The following FAM78A variants were observed in gnomAD, a reference collection of about 807,000 sequenced individuals.
FAM78A encodes protein FAM78A.
In FAM78A, 12 loss-of-function variants were observed where a neutral mutation model predicts 22.6. That is an observed-to-expected ratio of 0.53 (90% confidence interval 0.34 to 0.86). The LOEUF (loss-of-function observed/expected upper bound fraction) is 0.86, where lower values mean the gene tolerates loss of function less well. Among genes scored for constraint, FAM78A ranks in the 40% least tolerant of loss-of-function variants. The pLI is 0.02. For synonymous variants in FAM78A, 151 were observed against 155.8 expected, an observed-to-expected ratio of 0.97 and a Z score of 0.23; for missense variants, 322 against 396.1, an observed-to-expected ratio of 0.81 and a Z score of 1.59.
chr9:131,267,436 G>T (rs1245930697), intron 1 of FAM78A, among the ~76,000 whole-genome samples: 1 of 152,162 alleles, frequency 6.6e-6, no homozygotes, highest in Non-Finnish European at 1.5e-5. Flanking sequence ...AGAAGCTAAG[G>T]TGGGAGGATT....
rs564110929 is a variant in FAM78A at position 131,264,428 on chromosome 9, G to A, written c.324-3078C>T. 4.4e-5 allele frequency: 26 copies of A among 596,078 alleles called. No individual in the cohort carries two copies. In the African/African-American group the frequency reaches 4.4e-4, roughly 10 times the overall value. The allele number at this position is 596,078 out of a possible 1,614,324, so 36.9% of individuals were successfully genotyped here. ...ATCCCTCCACCTGGGGGTTGCAGCG[G>A]GTGCAGCAGCCCAGGGTCCACTGTC... On this transcript the variant is annotated intron_variant, in intron 1 of 1. Coordinates refer to ENST00000372271, the MANE Select transcript of FAM78A (RefSeq NM_033387.4).
Position 131,276,160 on chromosome 9 carries a change from T to A in FAM78A, c.20A>T (p.Asp7Val). The change falls in exon 1 of 2, where the codon GAC becomes GTC. Residue 7 changes from aspartate (D) to valine (V), a missense_variant. Physicochemically the swap from Asp to Val is radical, Grantham distance 152 (BLOSUM62 -3). Transcript: ENST00000372271. The surrounding 1 kb of genome is among the most constrained non-coding windows in gnomAD (Gnocchi z 4.3). MPGFFC[D>V]CWPSLEIRAL... is the part of the protein sequence containing the mutation. ...TCTGATCTCCAGGGAAGGCCAGCAG[T>A]CACAGAAAAAACCAGGCATTGAAAG... 1 of 1,611,758 alleles carries A rather than the reference T, an allele frequency of 6.2e-7. No homozygotes were observed. Among genetic ancestry groups the A allele is most frequent in the South Asian group, 1.1e-5 (1 of 90,930 alleles).
intron 1 of FAM78A, among the ~76,000 whole-genome samples, chr9:131,273,182 C>G (rs980557154): frequency 6.6e-6 from 1 of 152,188 alleles, no homozygotes; most frequent in African/African-American, 2.4e-5. Flanking sequence ...GGACGGTCAC[C>G]CATACTGGCC....
Position 131,275,724 on chromosome 9 carries a change from G to C in FAM78A, c.323+133C>G. ...GGCCAATGAGGCCACCTGCATACCT[G>C]CCTAAAGCTTCCCTCTGGCCTCCGT... On this transcript the variant is annotated intron_variant, in intron 1 of 1. Transcript: ENST00000372271. The surrounding 1 kb of genome is among the most constrained non-coding windows in gnomAD (Gnocchi z 4.6). 1 of 988,394 alleles carries C rather than the reference G, an allele frequency of 1.0e-6. No homozygotes were observed. 61.2% of individuals were successfully genotyped at this position (988,394 alleles called of 1,614,324 possible). A position where few individuals can be genotyped will look rare whatever the true frequency, so the allele number is the denominator to read the frequency against.
At position 131,260,696 on chromosome 9, in the gene FAM78A, A is replaced by G; in HGVS notation, c.*126T>C. Reference sequence around the variant, plus strand: ...GAGGCCTTCCCGGGGGCATCAGCACAGTGAGATCCGCCCGCTGGAGAGGGT... The same window carrying G: ...GAGGCCTTCCCGGGGGCATCAGCACGGTGAGATCCGCCCGCTGGAGAGGGT... On this transcript the variant is annotated 3_prime_UTR_variant, in exon 2 of 2. Transcript: ENST00000372271. The surrounding 1 kb of genome is among the most constrained non-coding windows in gnomAD (Gnocchi z 5.4). The G allele has an allele frequency of 8.0e-7, 1 of 1,249,214 alleles. No individual in the cohort carries two copies. The highest frequency in any genetic ancestry group is 1.1e-6 in the Non-Finnish European group (1 of 925,280). The allele number at this position is 1,249,214 out of a possible 1,614,324, so 77.4% of individuals were successfully genotyped here. A position where few individuals can be genotyped will look rare whatever the true frequency, so the allele number is the denominator to read the frequency against.
rs1260306920 is a variant in FAM78A at position 131,275,982 on chromosome 9, T to C, written c.198A>G (p.Thr66=). 3 of 1,613,502 alleles carry C rather than the reference T, an allele frequency of 1.9e-6. No homozygotes were observed. The South Asian group carries it at 3.3e-5, about 18-fold the overall frequency. Residue 66 remains threonine (T), a synonymous_variant, in exon 1 of 2, where the codon ACA becomes ACG. Transcript: ENST00000372271. This position sits in a 1 kb window ranked among gnomAD's most constrained non-coding sequence, Gnocchi z 4.6. ...ESSSVVLRYR[T]PHFRASAQVV... The stretch of plus-strand genomic sequence containing the variant: ...CCTGGGCCGAGGCCCGGAAGTGGGG[T>C]GTCCGGTAGCGGAGCACCACGCTGG...
Position 131,275,929 on chromosome 9 carries a change from T to A in FAM78A, c.251A>T (p.Glu84Val). 1 of 1,613,270 alleles carries A rather than the reference T, an allele frequency of 6.2e-7. No homozygotes were observed. Among genetic ancestry groups the A allele is most frequent in the Non-Finnish European group, 8.5e-7 (1 of 1,179,910 alleles). The change falls in exon 1 of 2, where the codon GAG (glutamate) becomes GTG (valine). Residue 84 changes from glutamate to valine, a missense_variant. Glu to Val is a moderately radical substitution (Grantham distance 121). Transcript: ENST00000372271. This position sits in a 1 kb window ranked among gnomAD's most constrained non-coding sequence, Gnocchi z 4.6. ...QVVMPPIPKKETWVVGWIQAC... is the reference protein window; with the variant it reads ...QVVMPPIPKKVTWVVGWIQAC... ...CTGGATCCAGCCAACTACCCAAGTC[T>A]CCTTCTTGGGGATGGGCGGCATGAC...
rs1015291389 is a variant in FAM78A at position 131,261,800 on chromosome 9, C to T, written c.324-450G>A. On this transcript the variant is annotated intron_variant, in intron 1 of 1. Coordinates refer to ENST00000372271, the MANE Select transcript of FAM78A (RefSeq NM_033387.4). The surrounding 1 kb of genome is among the most constrained non-coding windows in gnomAD (Gnocchi z 7.1). ...ATTTTCCTAAGGACATTTGGCCAAG[C>T]GGTGGGGCCTGGGACCCCGGCGCAT... Among the ~76,000 whole-genome samples, 4 of 152,128 alleles carry T rather than the reference C, an allele frequency of 2.6e-5. No individual in the cohort carries two copies. Among genetic ancestry groups the T allele is most frequent in the South Asian group, 2.1e-4 (1 of 4,826 alleles).
At chr9:131,278,540 C>T (rs1195220526), upstream of FAM78A, among the ~76,000 whole-genome samples, 1 of 152,160 alleles carries the variant, frequency 6.6e-6, no homozygotes, top group Non-Finnish European at 1.5e-5. Context: ...TACAGAGCAT[C>T]ATTTCAGCCA....
upstream of FAM78A, among the ~76,000 whole-genome samples, chr9:131,278,635 A>G (rs889111863): frequency 6.6e-6 from 1 of 152,182 alleles, no homozygotes; most frequent in Non-Finnish European, 1.5e-5. Context: ...GGATTTGCCC[A>G]AGGTCCTTCC....
At chr9:131,279,789 ACCTTAG>A (rs1273273338), upstream of FAM78A, among the ~76,000 whole-genome samples, 1 of 152,058 alleles carries the variant, frequency 6.6e-6, no homozygotes, top group Admixed American at 6.5e-5. Flanking sequence ...TCTATCCTTG[ACCTTAG>A]CCCTAGGCAG....
chr9:131,269,553 G>A (rs1835391726), intron 1 of FAM78A, among the ~76,000 whole-genome samples: 1 of 151,640 alleles, frequency 6.6e-6, no homozygotes, highest in Non-Finnish European at 1.5e-5. Flanking sequence ...CTCGGCTCAC[G>A]GTAACCTCCA....
upstream of FAM78A, among the ~76,000 whole-genome samples, chr9:131,278,162 C>G (rs1275359747): frequency 6.6e-6 from 1 of 151,988 alleles, no homozygotes; most frequent in Non-Finnish European, 1.5e-5. Flanking sequence ...CCCCTCGCTC[C>G]CTGTCTCTGC....
rs550009745 is a variant in FAM78A, at chr9:131,269,934, C to T, written c.323+5923G>A. Among the ~76,000 whole-genome samples the T allele has an allele frequency of 2.6e-5, 4 of 151,574 alleles. No homozygotes were observed. In the East Asian group the frequency reaches 5.8e-4, roughly 22 times the overall value. ...TACAGGCCGGGCACAGTGGCTCACA[C>T]CTGTAATCCCAGGACTTTGGGAGGC... is the stretch of plus-strand genomic sequence containing the variant. On this transcript the variant is annotated intron_variant, in intron 1 of 1. Transcript: ENST00000372271.
chr9:131,260,731 G>T lies in FAM78A; in HGVS notation c.*91C>A. On this transcript the variant is annotated 3_prime_UTR_variant, in exon 2 of 2. Transcript: ENST00000372271. The surrounding 1 kb of genome is among the most constrained non-coding windows in gnomAD (Gnocchi z 5.4). ...GCCCGCTGGAGAGGGTAGAATGGTT[G>T]TATCTTGCTGAATGACTGAAGAGTG... 1 of 1,449,770 alleles carries T rather than the reference G, an allele frequency of 6.9e-7. No individual in the cohort carries two copies. Among genetic ancestry groups the T allele is most frequent in the South Asian group, 1.4e-5 (1 of 72,236 alleles). 89.8% of individuals were successfully genotyped at this position (1,449,770 alleles called of 1,614,324 possible). A position where few individuals can be genotyped will look rare whatever the true frequency, so the allele number is the denominator to read the frequency against.
At chr9:131,273,881 A>C (rs1835448639) in intron 1 of FAM78A, among the ~76,000 whole-genome samples, 1 of 152,214 alleles carries the variant, frequency 6.6e-6, no homozygotes. Flanking sequence ...AGATGTGTAA[A>C]CTGAGGGTCA....
chr9:131,263,637 C>A (rs1835303368), intron 1 of FAM78A: 3 of 166,320 alleles, frequency 1.8e-5, no homozygotes, highest in Non-Finnish European at 1.3e-5. Context: ...ATAAAATGGT[C>A]AATTTTATAA....
Position 131,265,752 on chromosome 9 carries a change from G to A in FAM78A, c.324-4402C>T, listed in dbSNP as rs1331612870. On this transcript the variant is annotated intron_variant, in intron 1 of 1. Transcript: ENST00000372271. This position sits in a 1 kb window ranked among gnomAD's most constrained non-coding sequence, Gnocchi z 4.3. ...TGAACCACGCTCAGGGCCCTTCTGA[G>A]TGCAGGCCCCGGACAGCTGTCCAGT... Among the ~76,000 whole-genome samples the A allele has an allele frequency of 1.3e-5, 2 of 152,162 alleles. No individual in the cohort carries two copies. Among genetic ancestry groups the A allele is most frequent in the Non-Finnish European group, 2.9e-5 (2 of 68,030 alleles).
chr9:131,278,519 G>A (rs549354727), upstream of FAM78A, among the ~76,000 whole-genome samples: 9 of 152,316 alleles, frequency 5.9e-5, no homozygotes, highest in East Asian at 1.5e-3. Context: ...CCGGCTGTGT[G>A]ATGAGCGCTG....
Sources: gnomAD v4.1 joint callset for allele counts (sites outside exome capture counted in the v4.1 genomes callset) on GRCh38, gnomAD v4.1.1 for gene constraint, Gnocchi (gnomAD v3.1) non-coding constraint, MANE v1.5 for transcripts, NCBI Gene and HGNC (gene_info 2026-07-23, HGNC 2026-07-21) for gene names.